PFKFB4: variants seen among roughly 807,000 people sequenced by gnomAD.
PFKFB4 encodes 6-phosphofructo-2-kinase/fructose-2,6-biphosphatase 4, also known as 6-phosphofructo-2-kinase/fructose-2,6-bisphosphatase 4.
PFKFB4 carries 42 observed loss-of-function variants against 62.8 expected under a neutral mutation model. The observed-to-expected ratio is 0.67, with a 90% CI of 0.52 to 0.86. The LOEUF (loss-of-function observed/expected upper bound fraction) is 0.86, where lower values mean the gene tolerates loss of function less well. Ranked by LOEUF, PFKFB4 falls within the 40% of genes least tolerant of loss-of-function variation. PFKFB4 has a pLI of 0.00. For synonymous variants in PFKFB4, 204 were observed against 240.7 expected (o/e 0.85, Z 1.41); for missense variants, 475 against 627.2 (o/e 0.76, Z 2.59).
chr3:48,519,632 T>C lies in PFKFB4; in HGVS notation c.*115A>G. The C allele has an allele frequency of 1.2e-6, 1 of 824,698 alleles. No individual in the cohort carries two copies. The highest frequency in any genetic ancestry group is 2.0e-6 in the Non-Finnish European group (1 of 497,224). 51.1% of individuals were successfully genotyped at this position (824,698 alleles called of 1,614,324 possible). ...GGCTCTGGGTTCCGCCAGCCATGTG[T>C]GGCTTCAAGAATATCCCTGCATGGC... On this transcript the variant is annotated 3_prime_UTR_variant, in exon 14 of 14. Transcript: ENST00000232375.
intron 1 of PFKFB4, among the ~76,000 whole-genome samples, chr3:48,555,652 C>T (rs376249296): frequency 5.9e-5 from 9 of 151,984 alleles, no homozygotes; most frequent in African/African-American, 2.2e-4. Context: ...CTCAACACTT[C>T]GGAAGGCCGA....
chr3:48,557,234 G>A (rs753780096), upstream of PFKFB4, among the ~76,000 whole-genome samples: 10 of 152,180 alleles, frequency 6.6e-5, no homozygotes, highest in Non-Finnish European at 1.5e-4. Context: ...TTGCTAGGGA[G>A]CCCAGGGCCC....
intron 5 of PFKFB4, 99 bp downstream of exon 5, chr3:48,539,598 G>T: frequency 9.8e-7 from 1 of 1,023,796 alleles, no homozygotes; most frequent in Non-Finnish European, 1.5e-6. Context: ...AGCCATGCCA[G>T]CCCCATGCCC....
chr3:48,520,202 T>TA (rs2042055207), intron 13 of PFKFB4, among the ~76,000 whole-genome samples: 1 of 152,060 alleles, frequency 6.6e-6, no homozygotes, highest in Non-Finnish European at 1.5e-5. Flanking sequence ...CTTCCTAGTT[T>TA]AAAGTGTTGG....
chr3:48,558,487 C>T (rs2043383835), upstream of PFKFB4, among the ~76,000 whole-genome samples: 1 of 152,228 alleles, frequency 6.6e-6, no homozygotes, highest in Non-Finnish European at 1.5e-5. Context: ...AGCACCCCCT[C>T]CCATGCCCTC....
chr3:48,529,417 C>T (rs1279854036), intron 9 of PFKFB4, among the ~76,000 whole-genome samples: 1 of 152,090 alleles, frequency 6.6e-6, no homozygotes, highest in African/African-American at 2.4e-5. Context: ...AGTTTCAAAA[C>T]TTGAAAGATG....
At chr3:48,542,816 A>G (rs1426864862) in intron 4 of PFKFB4, among the ~76,000 whole-genome samples, 2 of 152,350 alleles carry the variant, frequency 1.3e-5, no homozygotes, top group East Asian at 3.9e-4. Flanking sequence ...CCCAACCATC[A>G]AATGTGAGGA....
chr3:48,544,744 A>G (rs1450401603), intron 3 of PFKFB4, among the ~76,000 whole-genome samples: 1 of 150,748 alleles, frequency 6.6e-6, no homozygotes, highest in African/African-American at 2.4e-5. Context: ...TTTTTTAGAC[A>G]AGAGTCTTAC....
intron 7 of PFKFB4, chr3:48,536,905 G>A (rs529015035): frequency 2.7e-4 from 46 of 167,762 alleles, no homozygotes; most frequent in Admixed American, 1.3e-3. Flanking sequence ...CACTCTTCCT[G>A]GTCAGCTGTA....
At chr3:48,526,791 A>T (rs1231246705) in intron 9 of PFKFB4, among the ~76,000 whole-genome samples, 1 of 149,826 alleles carries the variant, frequency 6.7e-6, no homozygotes, top group Non-Finnish European at 1.5e-5. Flanking sequence ...AAATACAAAA[A>T]TTAGCCAGGC....
chr3:48,550,055 C>T, intron 2 of PFKFB4, 63 bp downstream of exon 2: 1 of 1,404,558 alleles, frequency 7.1e-7, no homozygotes, highest in South Asian at 1.2e-5. Flanking sequence ...GAGAATAGGC[C>T]TTCTCTATTC....
At chr3:48,531,900 G>T (rs1246325578) in intron 9 of PFKFB4, among the ~76,000 whole-genome samples, 2 of 152,146 alleles carry the variant, frequency 1.3e-5, no homozygotes, top group East Asian at 3.8e-4. Flanking sequence ...GAAAAGAAAA[G>T]AAAACAACAA....
At chr3:48,532,773 G>C (rs536254982) in intron 9 of PFKFB4, among the ~76,000 whole-genome samples, 32 of 152,282 alleles carry the variant, frequency 2.1e-4, no homozygotes, top group African/African-American at 7.5e-4. Flanking sequence ...TTGAGTCTAG[G>C]AGTTTGAGGC....
At chr3:48,547,182 G>A (rs550614230) in intron 3 of PFKFB4, among the ~76,000 whole-genome samples, 11 of 152,292 alleles carry the variant, frequency 7.2e-5, no homozygotes, top group South Asian at 2.1e-4. Flanking sequence ...GTGCGCCTTC[G>A]TGTGTGTAAT....
upstream of PFKFB4, chr3:48,559,829 T>C: frequency 2.9e-6 from 1 of 344,852 alleles, no homozygotes; most frequent in Non-Finnish European, 5.8e-6. Flanking sequence ...TGGCCAGTTC[T>C]CAAAGCTCAA....
chr3:48,539,499 T>C (rs903644074), intron 5 of PFKFB4, 189 bp from the exon 6 acceptor site: 1 of 680,096 alleles, frequency 1.5e-6, no homozygotes, highest in Non-Finnish European at 2.6e-6. Flanking sequence ...GGTGCTGCCC[T>C]CTCCTAGACT....
intron 1 of PFKFB4, among the ~76,000 whole-genome samples, chr3:48,551,813 G>C (rs2043165933): frequency 6.6e-6 from 1 of 152,130 alleles, no homozygotes; most frequent in East Asian, 1.9e-4. Flanking sequence ...CCAAAGTGCT[G>C]GGATTACAGG....
upstream of PFKFB4, chr3:48,557,009 G>C (rs973406948): frequency 1.5e-6 from 2 of 1,346,986 alleles, no homozygotes; most frequent in African/African-American, 3.1e-5. Flanking sequence ...GAACAAGTGG[G>C]CCCAGTTCTT....
chr3:48,543,975 C>T (rs2107556951), intron 3 of PFKFB4, among the ~76,000 whole-genome samples: 1 of 151,942 alleles, frequency 6.6e-6, no homozygotes, highest in South Asian at 2.1e-4. Context: ...TATATTTTCC[C>T]TGATTATCAA....
Sources: gnomAD v4.1 joint callset for allele counts (sites outside exome capture counted in the v4.1 genomes callset) on GRCh38, gnomAD v4.1.1 for gene constraint, MANE v1.5 for transcripts, NCBI Gene and HGNC (gene_info 2026-07-23, HGNC 2026-07-21) for gene names.